The following EPHB1 variants were observed in gnomAD, a reference collection of about 807,000 sequenced individuals.
The protein encoded by EPHB1 is EPH receptor B1, also known as ephrin type-B receptor 1.
In EPHB1, 30 loss-of-function variants were observed where a neutral mutation model predicts 94.4. That is an observed-to-expected ratio of 0.32 (90% confidence interval 0.24 to 0.43). The LOEUF (loss-of-function observed/expected upper bound fraction) is 0.43. Ranked by LOEUF, EPHB1 falls within the 20% of genes least tolerant of loss-of-function variation. EPHB1 has a pLI of 1.00. For missense variants in EPHB1, 1,055 were observed against 1,308.3 expected, an observed-to-expected ratio of 0.81 and a Z score of 2.99; for synonymous variants, 522 against 489.1, an observed-to-expected ratio of 1.07 and a Z score of -0.89.
At chr3:134,855,808 G>A (rs1440112233) in intron 1 of EPHB1, among the ~76,000 whole-genome samples, 5 of 152,140 alleles carry the variant, frequency 3.3e-5, no homozygotes, top group South Asian at 2.1e-4. Flanking sequence ...GCAATAACTC[G>A]TGGTATTGAG....
chr3:135,065,663 T>G (rs369660963), intron 3 of EPHB1, among the ~76,000 whole-genome samples: 2 of 152,220 alleles, frequency 1.3e-5, no homozygotes, highest in Admixed American at 6.5e-5. Context: ...ATCTTTTAAG[T>G]GGAGCATTTA....
chr3:134,940,154 C>T lies in EPHB1; in HGVS notation c.124-11217C>T, dbSNP rs567459644. On this transcript the variant is annotated intron_variant, in intron 2 of 15. Coordinates refer to ENST00000398015, the MANE Select transcript of EPHB1 (RefSeq NM_004441.5). ...CCTTTTAGTTCCTGCATTCTGCTGACCAAAGGGTAGGATTATTTATATAGG... is the reference window on the plus strand; with the variant it reads ...CCTTTTAGTTCCTGCATTCTGCTGATCAAAGGGTAGGATTATTTATATAGG... Among the ~76,000 whole-genome samples the T allele has an allele frequency of 1.1e-4, 16 of 152,226 alleles. No homozygotes were observed. In the South Asian group the frequency reaches 2.7e-3, roughly 26 times the overall value.
intron 5 of EPHB1, among the ~76,000 whole-genome samples, chr3:135,138,946 GC>G (rs1331981313): frequency 6.6e-6 from 1 of 152,216 alleles, no homozygotes; most frequent in African/African-American, 2.4e-5. Flanking sequence ...AGATGGCACT[GC>G]CCCTGACCAA....
intron 7 of EPHB1, among the ~76,000 whole-genome samples, chr3:135,164,806 CAAAAAAA>C (rs59870139): frequency 8.1e-5 from 7 of 86,378 alleles, no homozygotes; most frequent in African/African-American, 2.4e-4. Flanking sequence ...AAGACTGTCT[CAAAAAAA>C]AAAAAAAAAA....
chr3:135,213,782 A>G (rs768386477), intron 12 of EPHB1, among the ~76,000 whole-genome samples: 6 of 152,188 alleles, frequency 3.9e-5, no homozygotes, highest in Non-Finnish European at 7.3e-5. Context: ...CTCTGTGAGC[A>G]TAATTTTCCC....
intron 3 of EPHB1, among the ~76,000 whole-genome samples, chr3:134,986,900 C>A (rs981341561): frequency 6.6e-6 from 1 of 152,156 alleles, no homozygotes; most frequent in African/African-American, 2.4e-5. Context: ...AAAATTCAAT[C>A]TTTGTGAAAA....
intron 4 of EPHB1, among the ~76,000 whole-genome samples, chr3:135,132,296 G>A (rs1229874000): frequency 6.6e-6 from 1 of 151,662 alleles, no homozygotes; most frequent in Non-Finnish European, 1.5e-5. Context: ...GTTTTTGGAG[G>A]GGCCACTCAT....
At chr3:134,841,048 G>A (rs1256201440) in intron 1 of EPHB1, among the ~76,000 whole-genome samples, 1 of 152,164 alleles carries the variant, frequency 6.6e-6, no homozygotes, top group African/African-American at 2.4e-5. Context: ...CCCCTTCCCT[G>A]GTTTCCCTCC....
chr3:135,121,285 A>T (rs1042472053), intron 4 of EPHB1, among the ~76,000 whole-genome samples: 1 of 152,180 alleles, frequency 6.6e-6, no homozygotes, highest in African/African-American at 2.4e-5. Flanking sequence ...GCAAATTCCT[A>T]TCCAGATCTG....
At chr3:134,797,712 G>A (rs1389303364) in intron 1 of EPHB1, among the ~76,000 whole-genome samples, 1 of 152,166 alleles carries the variant, frequency 6.6e-6, no homozygotes, top group Non-Finnish European at 1.5e-5. Flanking sequence ...TCAGAGCCCA[G>A]GCCTTCCGGA....
chr3:134,924,039 T>C (rs554906061), intron 1 of EPHB1, among the ~76,000 whole-genome samples: 12 of 152,338 alleles, frequency 7.9e-5, no homozygotes, highest in African/African-American at 2.2e-4. Flanking sequence ...TATAGCACCA[T>C]TGTGTAAATT....
At chr3:135,015,517 T>C (rs1935770730) in intron 3 of EPHB1, among the ~76,000 whole-genome samples, 1 of 152,146 alleles carries the variant, frequency 6.6e-6, no homozygotes, top group African/African-American at 2.4e-5. Context: ...GCTGGGATTA[T>C]AGGTGTGAGC....
At chr3:135,097,028 G>C (rs1292799803) in intron 3 of EPHB1, among the ~76,000 whole-genome samples, 1 of 150,340 alleles carries the variant, frequency 6.7e-6, no homozygotes, top group Non-Finnish European at 1.5e-5. Context: ...CCCTGGAGGT[G>C]GAGGTTGCAG....
chr3:135,189,300 C>A (rs1246625941), intron 10 of EPHB1, among the ~76,000 whole-genome samples: 1 of 152,194 alleles, frequency 6.6e-6, no homozygotes, highest in Non-Finnish European at 1.5e-5. Context: ...TTCAGGAATG[C>A]CATGGCTTTT....
intron 2 of EPHB1, among the ~76,000 whole-genome samples, chr3:134,950,293 C>T (rs912865706): frequency 2.0e-5 from 3 of 152,142 alleles, no homozygotes; most frequent in African/African-American, 7.2e-5. Context: ...AAAGTAACAC[C>T]CTCCAGCATT....
chr3:135,035,749 T>C (rs1437794815), intron 3 of EPHB1, among the ~76,000 whole-genome samples: 3 of 152,232 alleles, frequency 2.0e-5, no homozygotes, highest in African/African-American at 7.2e-5. Flanking sequence ...ACTGCACATA[T>C]ACTTGCATGA....
chr3:134,891,205 G>A (rs1404093041), intron 1 of EPHB1, among the ~76,000 whole-genome samples: 1 of 152,124 alleles, frequency 6.6e-6, no homozygotes, highest in Non-Finnish European at 1.5e-5. Flanking sequence ...TGCCTCCTAG[G>A]CTCAAGCAAT....
chr3:134,941,752 G>GACACACACACACACAC lies in EPHB1; in HGVS notation c.124-9587_124-9572dup, dbSNP rs3067391. Among the ~76,000 whole-genome samples, 438 of 134,776 alleles carry GACACACACACACACAC rather than the reference G, an allele frequency of 3.2e-3. 8 individuals carry two copies. The highest frequency in any genetic ancestry group is 0.012 in the African/African-American group (419 of 35,460). The allele number at this position is 134,776 out of a possible 152,430, so 88.4% of individuals were successfully genotyped here. A position where few individuals can be genotyped will look rare whatever the true frequency, so the allele number is the denominator to read the frequency against. On this transcript the variant is annotated intron_variant, in intron 2 of 15. Coordinates refer to ENST00000398015, the MANE Select transcript of EPHB1 (RefSeq NM_004441.5). Reference sequence around the variant, plus strand: ...ATAGCATGCTTTACATATGCACACAGACACACACACACACACACACACACA... The same window carrying GACACACACACACACAC: ...ATAGCATGCTTTACATATGCACACAGACACACACACACACACACACACACACACACACACACACACA...
intron 1 of EPHB1, among the ~76,000 whole-genome samples, chr3:134,850,490 A>T (rs1281785858): frequency 6.6e-6 from 1 of 152,150 alleles, no homozygotes; most frequent in Non-Finnish European, 1.5e-5. Context: ...TCCCGGCCTG[A>T]GGGAAATGGG....
Sources: gnomAD v4.1 joint callset for allele counts (sites outside exome capture counted in the v4.1 genomes callset) on GRCh38, gnomAD v4.1.1 for gene constraint, MANE v1.5 for transcripts, NCBI Gene and HGNC (gene_info 2026-07-23, HGNC 2026-07-21) for gene names.